Variants in USH2A observed in about 807,000 individuals in gnomAD.
USH2A encodes Usher syndrome 2A (autosomal recessive, mild).
Under a neutral mutation model 538.9 loss-of-function variants are expected in USH2A, and 443 were observed. The ratio of observed to expected loss-of-function variants is 0.82; its 90% CI spans 0.76 to 0.89. The LOEUF (loss-of-function observed/expected upper bound fraction) is 0.89. Among genes scored for constraint, USH2A ranks in the 40% least tolerant of loss-of-function variants. USH2A has a pLI of 0.00. For missense variants in USH2A, 6,633 were observed against 6,324.8 expected, an observed-to-expected ratio of 1.05 and a Z score of -1.65; for synonymous variants, 2,413 against 2,273.5, an observed-to-expected ratio of 1.06 and a Z score of -1.75.
At chr1:216,064,049 T>C (rs1198406665) in intron 30 of USH2A, among the ~76,000 whole-genome samples, 3 of 152,292 alleles carry the variant, frequency 2.0e-5, no homozygotes, top group African/African-American at 4.8e-5. Context: ...CAAGTGAACA[T>C]TGTAAGGAGC....
chr1:216,027,676 C>T (rs1669002354), intron 32 of USH2A, among the ~76,000 whole-genome samples: 1 of 152,126 alleles, frequency 6.6e-6, no homozygotes, highest in African/African-American at 2.4e-5. Flanking sequence ...CTTTTATCTC[C>T]TCAAATTCAC....
chr1:215,890,908 C>T (rs532879722), intron 40 of USH2A, among the ~76,000 whole-genome samples: 1 of 152,266 alleles, frequency 6.6e-6, no homozygotes, highest in East Asian at 1.9e-4. Context: ...CCTTATCTCA[C>T]CCTCTCTTCC....
chr1:216,391,055 C>T (rs2039098008), intron 3 of USH2A, among the ~76,000 whole-genome samples: 1 of 152,150 alleles, frequency 6.6e-6, no homozygotes, highest in South Asian at 2.1e-4. Context: ...AAACATTAGA[C>T]ATCAACTCTA....
At chr1:215,965,571 G>A in intron 36 of USH2A, 92 bp from the exon 37 acceptor site, 3 of 1,477,072 alleles carry the variant, frequency 2.0e-6, no homozygotes, top group Middle Eastern at 4.6e-4. Flanking sequence ...TCTTTTTGCT[G>A]TGAAGTAAAC....
chr1:216,222,215 T>A (rs1442855635), intron 14 of USH2A, among the ~76,000 whole-genome samples: 1 of 152,228 alleles, frequency 6.6e-6, no homozygotes. Flanking sequence ...AATCTTTATC[T>A]ATAAAGGATG....
At chr1:215,677,467 A>G (rs1357123343) in intron 62 of USH2A, among the ~76,000 whole-genome samples, 1 of 151,936 alleles carries the variant, frequency 6.6e-6, no homozygotes, top group African/African-American at 2.4e-5. Flanking sequence ...TAATGAGTTG[A>G]TGTCCTACTT....
At chr1:215,918,829 C>A (rs1232066481) in intron 38 of USH2A, among the ~76,000 whole-genome samples, 2 of 152,112 alleles carry the variant, frequency 1.3e-5, no homozygotes, top group South Asian at 2.1e-4. Flanking sequence ...TGTAATCAGG[C>A]TATCAGTGAT....
chr1:216,264,446 C>T (rs976360590), intron 11 of USH2A, among the ~76,000 whole-genome samples: 6 of 152,004 alleles, frequency 3.9e-5, no homozygotes, highest in South Asian at 2.1e-4. Flanking sequence ...TACAGGTGCC[C>T]GCCACCATGC....
chr1:216,339,254 C>G (rs992134665), intron 4 of USH2A, among the ~76,000 whole-genome samples: 1 of 151,256 alleles, frequency 6.6e-6, no homozygotes, highest in African/African-American at 2.4e-5. Flanking sequence ...TGAAGATATA[C>G]TCTGTATTTT....
chr1:215,759,260 C>A (rs963822587), intron 57 of USH2A, among the ~76,000 whole-genome samples: 4 of 151,966 alleles, frequency 2.6e-5, no homozygotes, highest in Non-Finnish European at 5.9e-5. Flanking sequence ...TAAAACTATT[C>A]ACAACTATAT....
chr1:215,884,768 T>A (rs1558144270), intron 41 of USH2A, among the ~76,000 whole-genome samples: 1 of 152,188 alleles, frequency 6.6e-6, no homozygotes, highest in Non-Finnish European at 1.5e-5. Flanking sequence ...ATCAAACCCA[T>A]AAATGAGTGA....
At chr1:216,312,383 T>A (rs923902963) in intron 9 of USH2A, among the ~76,000 whole-genome samples, 3 of 152,168 alleles carry the variant, frequency 2.0e-5, no homozygotes, top group Admixed American at 6.5e-5. Flanking sequence ...TCCAAATATT[T>A]CTTCTGTTCC....
intron 55 of USH2A, among the ~76,000 whole-genome samples, chr1:215,775,198 T>G (rs1156736034): frequency 6.6e-6 from 1 of 152,196 alleles, no homozygotes; most frequent in African/African-American, 2.4e-5. Context: ...GTTGGCTTTG[T>G]GGGCTTCGAC....
At chr1:216,384,707 T>C (rs1332012830) in intron 3 of USH2A, among the ~76,000 whole-genome samples, 1 of 152,030 alleles carries the variant, frequency 6.6e-6, no homozygotes, top group East Asian at 1.9e-4. Flanking sequence ...CTGCAATCTA[T>C]ACACAGGAAT....
intron 32 of USH2A, among the ~76,000 whole-genome samples, chr1:216,037,956 A>G (rs1282652684): frequency 6.6e-6 from 1 of 151,918 alleles, no homozygotes; most frequent in Non-Finnish European, 1.5e-5. Context: ...TTCCGTTCCT[A>G]TGTTAGCTTG....
chr1:216,033,212 A>C (rs1669169910), intron 32 of USH2A, among the ~76,000 whole-genome samples: 1 of 152,276 alleles, frequency 6.6e-6, no homozygotes, highest in South Asian at 2.1e-4. Flanking sequence ...TGTGGACCAA[A>C]CTTTGTATGC....
At position 215,999,068 on chromosome 1, in the gene USH2A, G is replaced by T; in HGVS notation, c.6486-10C>A. 1 of 1,603,646 alleles carries T rather than the reference G, an allele frequency of 6.2e-7. No individual in the cohort carries two copies. Among genetic ancestry groups the T allele is most frequent in the Non-Finnish European group, 8.5e-7 (1 of 1,171,414 alleles). On this transcript the variant is annotated splice_polypyrimidine_tract_variant and intron_variant, in intron 33 of 71. Coordinates refer to ENST00000307340, the MANE Select transcript of USH2A (RefSeq NM_206933.4). The stretch of plus-strand genomic sequence containing the variant: ...TCTTGGTTGTTTCCACCTGGGAATG[G>T]TAAAATACATTATTATCATTCATTC...
intron 30 of USH2A, among the ~76,000 whole-genome samples, chr1:216,064,500 G>T (rs868225791): frequency 0.013 from 1,853 of 143,334 alleles, 34 homozygotes; most frequent in African/African-American, 0.045. Context: ...GCTAGGGATT[G>T]TTTTTTTTTT....
At chr1:216,350,650 G>C (rs921130653) in intron 4 of USH2A, among the ~76,000 whole-genome samples, 2 of 152,090 alleles carry the variant, frequency 1.3e-5, no homozygotes, top group Non-Finnish European at 2.9e-5. Context: ...GGTGGGAGGA[G>C]TGAGCTCCCA....
Sources: gnomAD v4.1 joint callset for allele counts (sites outside exome capture counted in the v4.1 genomes callset) on GRCh38, gnomAD v4.1.1 for gene constraint, MANE v1.5 for transcripts, NCBI Gene and HGNC (gene_info 2026-07-23, HGNC 2026-07-21) for gene names.